The following ZZEF1 variants were observed in gnomAD, a reference collection of about 807,000 sequenced individuals.
ZZEF1 encodes the protein zinc finger ZZ-type and EF-hand domain containing 1.
ZZEF1 carries 157 observed loss-of-function variants against 342.8 expected under a neutral mutation model. The ratio of observed to expected loss-of-function variants is 0.46; its 90% CI spans 0.40 to 0.52. The LOEUF is 0.52. Ranked by LOEUF, ZZEF1 falls within the 20% of genes least tolerant of loss-of-function variation. The probability of loss-of-function intolerance (pLI) is 0.00; values close to 1 mark genes in which losing one functional copy is unlikely to be tolerated. For missense variants in ZZEF1, 3,480 were observed against 3,725.6 expected (o/e 0.93, Z 1.72); for synonymous variants, 1,505 against 1,429.1 (o/e 1.05, Z -1.20).
intron 33 of ZZEF1, among the ~76,000 whole-genome samples, chr17:4,054,708 G>A (rs937002537): frequency 6.6e-6 from 1 of 152,172 alleles, no homozygotes; most frequent in African/African-American, 2.4e-5. Flanking sequence ...ATCAGTCTTA[G>A]GAGTTACAGA....
chr17:4,070,893 T>A lies in ZZEF1; in HGVS notation c.3866A>T (p.His1289Leu). 3 of 1,613,840 alleles carry A rather than the reference T, an allele frequency of 1.9e-6. No homozygotes were observed. In the South Asian group the frequency reaches 3.3e-5, roughly 18 times the overall value. Reference sequence around the variant, plus strand: ...TGACTGGGCAAAATCAAGAAGAAAATGGCGGCAGGGGTCGTCAGGAATGTT... The same window carrying A: ...TGACTGGGCAAAATCAAGAAGAAAAAGGCGGCAGGGGTCGTCAGGAATGTT... ...VKNIPDDPCR[H>L]FLLDFAQSEP... is the part of the protein sequence containing the mutation. Residue 1289 changes from histidine to leucine, a missense_variant, in exon 26 of 55, where the codon CAT becomes CTT. His to Leu is a moderately conservative substitution (Grantham distance 99). Coordinates refer to ENST00000381638, the MANE Select transcript of ZZEF1 (RefSeq NM_015113.4).
intron 42 of ZZEF1, among the ~76,000 whole-genome samples, chr17:4,025,739 AAG>A (rs1395358889): frequency 6.6e-6 from 1 of 152,144 alleles, no homozygotes; most frequent in Non-Finnish European, 1.5e-5. Flanking sequence ...AAGACAGAAC[AAG>A]AGAGACTGGA....
chr17:4,032,676 A>G, intron 41 of ZZEF1, 152 bp downstream of exon 41: 1 of 708,312 alleles, frequency 1.4e-6, no homozygotes, highest in South Asian at 2.4e-5. Context: ...AATCTTGACA[A>G]TACTTCAATA....
intron 4 of ZZEF1, among the ~76,000 whole-genome samples, chr17:4,113,249 G>A (rs766638220): frequency 1.3e-5 from 2 of 152,176 alleles, no homozygotes; most frequent in Non-Finnish European, 2.9e-5. Flanking sequence ...TGTTTTCTGA[G>A]GGGAGAGGTG....
At chr17:4,029,302 A>G (rs568247281) in intron 42 of ZZEF1, among the ~76,000 whole-genome samples, 2 of 152,326 alleles carry the variant, frequency 1.3e-5, no homozygotes, top group South Asian at 2.1e-4. Flanking sequence ...CCTGAAATCA[A>G]CAACCAAATG....
Position 4,082,432 on chromosome 17 carries a change from C to T in ZZEF1, c.2714+5G>A, listed in dbSNP as rs1434948275. On this transcript the variant is annotated splice_donor_5th_base_variant and intron_variant, in intron 17 of 54. Coordinates refer to ENST00000381638, the MANE Select transcript of ZZEF1 (RefSeq NM_015113.4). Reference sequence around the variant, plus strand: ...TCCGACAATTAAAAAGAACGATCAGCTTACCTAAAATACGTGCACAGTGAA... The same window carrying T: ...TCCGACAATTAAAAAGAACGATCAGTTTACCTAAAATACGTGCACAGTGAA... 4 of 1,613,744 alleles carry T rather than the reference C, an allele frequency of 2.5e-6. No individual in the cohort carries two copies. The highest frequency in any genetic ancestry group is 1.3e-5 in the African/African-American group (1 of 74,934).
rs772594138 is a variant in ZZEF1, at chr17:4,062,703, T to C, written c.4883+50A>G. 17 of 1,509,926 alleles carry C rather than the reference T, an allele frequency of 1.1e-5. No individual in the cohort carries two copies. In the South Asian group the frequency reaches 1.9e-4, roughly 17 times the overall value. 93.5% of individuals were successfully genotyped at this position (1,509,926 alleles called of 1,614,324 possible). Reference sequence around the variant, plus strand: ...AATCAGAGAAGATAATCAGGATTTATTTACAATGATCTTTGCTGTTTTCCT... The same window carrying C: ...AATCAGAGAAGATAATCAGGATTTACTTACAATGATCTTTGCTGTTTTCCT... On this transcript the variant is annotated intron_variant, in intron 30 of 54. Coordinates refer to ENST00000381638, the MANE Select transcript of ZZEF1 (RefSeq NM_015113.4).
chr17:4,112,631 T>A lies in ZZEF1; in HGVS notation c.1044A>T (p.Glu348Asp). The change falls in exon 5 of 55, where the codon GAA becomes GAT. Residue 348 changes from glutamate to aspartate, a missense_variant. Coordinates refer to ENST00000381638, the MANE Select transcript of ZZEF1 (RefSeq NM_015113.4). ...TACAGAGCTGACTGACGTTGGCATT[T>A]TCCAGCAGCGTCACATAGCCAGTGA... is the stretch of plus-strand genomic sequence containing the variant. ...SNVTGYVTLLENANVSQLYVQ... is the reference protein window; with the variant it reads ...SNVTGYVTLLDNANVSQLYVQ... The A allele has an allele frequency of 1.2e-6, 2 of 1,614,180 alleles. No homozygotes were observed. Among genetic ancestry groups the A allele is most frequent in the Non-Finnish European group, 1.7e-6 (2 of 1,180,042 alleles).
chr17:4,080,330 T>G (rs1308244953), intron 18 of ZZEF1, among the ~76,000 whole-genome samples: 1 of 43,326 alleles, frequency 2.3e-5, no homozygotes, highest in Non-Finnish European at 9.1e-5. Flanking sequence ...ATTTTTTTTT[T>G]GTTTTTTGTT....
intron 54 of ZZEF1, among the ~76,000 whole-genome samples, chr17:4,007,393 C>T (rs1219878329): frequency 6.6e-6 from 1 of 152,206 alleles, no homozygotes; most frequent in Non-Finnish European, 1.5e-5. Context: ...CCCGTCAGGC[C>T]TTCAGGGTCT....
chr17:4,129,696 G>A (rs554413226), intron 1 of ZZEF1, among the ~76,000 whole-genome samples: 85 of 152,238 alleles, frequency 5.6e-4, no homozygotes, highest in Middle Eastern at 3.4e-3. Context: ...AATGAGCCAG[G>A]TGTGGTGGTA....
intron 32 of ZZEF1, among the ~76,000 whole-genome samples, chr17:4,057,743 T>C (rs922587821): frequency 1.4e-4 from 22 of 152,114 alleles, no homozygotes; most frequent in Admixed American, 6.6e-4. Context: ...AACACTGAAA[T>C]ACATAACTCA....
At position 4,077,930 on chromosome 17, in the gene ZZEF1, C is replaced by A; in HGVS notation, c.2942G>T (p.Ser981Ile). ...LLSWCYLQLKSTDSGAKDLAV... is the reference protein window; with the variant it reads ...LLSWCYLQLKITDSGAKDLAV... The stretch of plus-strand genomic sequence containing the variant: ...AAGATCTTTGGCTCCAGAGTCCGTG[C>A]TCTTCAGCTGCAGGTAGCACCAGGA... The change falls in exon 19 of 55, where the codon AGC becomes ATC. Residue 981 changes from serine (S) to isoleucine (I), a missense_variant. Physicochemically the swap from Ser to Ile is moderately radical, Grantham distance 142 (BLOSUM62 -2). Coordinates refer to ENST00000381638, the MANE Select transcript of ZZEF1 (RefSeq NM_015113.4). The A allele has an allele frequency of 2.5e-6, 4 of 1,614,212 alleles. No homozygotes were observed. Among genetic ancestry groups the A allele is most frequent in the Non-Finnish European group, 3.4e-6 (4 of 1,180,048 alleles).
chr17:4,122,209 C>T (rs1484130796), intron 2 of ZZEF1, among the ~76,000 whole-genome samples: 1 of 152,090 alleles, frequency 6.6e-6, no homozygotes, highest in Non-Finnish European at 1.5e-5. Context: ...AGGAAAAACG[C>T]TGAGGTAAAG....
At chr17:4,009,302 A>G (rs538225449) in intron 53 of ZZEF1, 3 of 566,166 alleles carry the variant, frequency 5.3e-6, no homozygotes, top group African/African-American at 3.7e-5. Context: ...AAAAAAGAGA[A>G]GGAAGCAGAA....
intron 39 of ZZEF1, among the ~76,000 whole-genome samples, chr17:4,039,493 C>T (rs987020885): frequency 2.6e-5 from 4 of 151,844 alleles, no homozygotes; most frequent in Non-Finnish European, 5.9e-5. Flanking sequence ...AACAAACAAA[C>T]AAATCCGCCC....
At chr17:4,072,170 C>T (rs2057522622) in intron 25 of ZZEF1, among the ~76,000 whole-genome samples, 1 of 151,928 alleles carries the variant, frequency 6.6e-6, no homozygotes, top group African/African-American at 2.4e-5. Flanking sequence ...AAGTAGAATA[C>T]AGAAATAGAG....
intron 28 of ZZEF1, 62 bp from the exon 29 acceptor site, chr17:4,064,891 G>C: frequency 7.1e-6 from 9 of 1,264,216 alleles, no homozygotes; most frequent in Middle Eastern, 2.6e-4. Flanking sequence ...GGGAGGGGGA[G>C]GGGAGAGGGA....
intron 11 of ZZEF1, among the ~76,000 whole-genome samples, chr17:4,094,548 C>CAATTATCCATT (rs2058000308): frequency 6.9e-6 from 1 of 144,808 alleles, no homozygotes; most frequent in Admixed American, 6.9e-5. Context: ...CATTGGCTAC[C>CAATTATCCATT]GATTATCCAT....
Sources: gnomAD v4.1 joint callset for allele counts (sites outside exome capture counted in the v4.1 genomes callset) on GRCh38, gnomAD v4.1.1 for gene constraint, MANE v1.5 for transcripts, NCBI Gene and HGNC (gene_info 2026-07-23, HGNC 2026-07-21) for gene names.